NBEAL2: variants seen among roughly 807,000 people sequenced by gnomAD.
NBEAL2 encodes the protein neurobeachin-like protein 2.
Under a neutral mutation model 299.8 loss-of-function variants are expected in NBEAL2, and 160 were observed. The observed-to-expected ratio is 0.53, with a 90% CI of 0.47 to 0.61. The LOEUF (loss-of-function observed/expected upper bound fraction) is 0.61, where lower values mean the gene tolerates loss of function less well. Ranked by LOEUF, NBEAL2 falls within the 20% of genes least tolerant of loss-of-function variation. The pLI, the probability that NBEAL2 is intolerant of heterozygous loss-of-function variation, is 0.00. For missense variants in NBEAL2, 3,112 were observed against 3,649.0 expected, an observed-to-expected ratio of 0.85 and a Z score of 3.79; for synonymous variants, 1,493 against 1,542.3, an observed-to-expected ratio of 0.97 and a Z score of 0.75.
chr3:47,007,373 G>T, intron 47 of NBEAL2, 23 bp downstream of exon 47: 2 of 1,582,176 alleles, frequency 1.3e-6, no homozygotes, highest in East Asian at 2.3e-5. Flanking sequence ...GCTGTGGGTG[G>T]GGTGGGCTAC....
intron 11 of NBEAL2, 79 bp downstream of exon 11, chr3:46,994,099 G>A (rs1278273392): frequency 2.0e-5 from 28 of 1,415,544 alleles, no homozygotes; most frequent in Middle Eastern, 3.5e-4. Context: ...AGGCCTGGCC[G>A]GTGGCCATAA....
Position 47,005,828 on chromosome 3 carries a change from A to G in NBEAL2, c.6782A>G (p.Gln2261Arg). ...PWASSPEDFI[Q>R]QHRQALESEY... is the part of the protein sequence containing the mutation. ...GCCAGCTCTCCTGAGGACTTCATCC[A>G]GCAGCACCGCCAGGCTCTGGTGAGG... Residue 2261 changes from glutamine to arginine, a missense_variant, in exon 42 of 54, where the codon CAG (glutamine) becomes CGG (arginine). Physicochemically the swap from Gln to Arg is conservative, Grantham distance 43. This residue lies in a region of NBEAL2 where 521 missense variants were observed against 729.6 expected (regional missense o/e 0.71). Transcript: ENST00000450053. 6.2e-7 allele frequency: 1 copy of G among 1,613,402 alleles called. No homozygotes were observed. The highest frequency in any genetic ancestry group is 2.2e-5 in the East Asian group (1 of 44,880).
chr3:47,001,859 G>A lies in NBEAL2; in HGVS notation c.4782+33G>A, dbSNP rs984128701. 37 of 1,610,508 alleles carry A rather than the reference G, an allele frequency of 2.3e-5. No individual in the cohort carries two copies. The highest frequency in any genetic ancestry group is 4.4e-5 in the South Asian group (4 of 91,066). ...CAGGGTGAGCATGGGGGCAGGGGGC[G>A]TGTGAGATGTCGGGAGCTCCAAGAG... On this transcript the variant is annotated intron_variant, in intron 30 of 53. Coordinates refer to ENST00000450053, the MANE Select transcript of NBEAL2 (RefSeq NM_015175.3). The surrounding 1 kb of genome is among the most constrained non-coding windows in gnomAD (Gnocchi z 6.1).
Position 47,005,799 on chromosome 3 carries a change from G to A in NBEAL2, c.6753G>A (p.Pro2251=), listed in dbSNP as rs375824892. The A allele has an allele frequency of 2.8e-5, 45 of 1,613,246 alleles. No homozygotes were observed. The highest frequency in any genetic ancestry group is 1.3e-4 in the African/African-American group (10 of 74,912). ...AGGTAGGCGATGTGGTGCTACCCCC[G>A]TGGGCCAGCTCTCCTGAGGACTTCA... ...NEKVGDVVLP[P]WASSPEDFIQ... is the part of the protein sequence containing the mutation. The change falls in exon 42 of 54, where the codon CCG becomes CCA. Residue 2251 remains proline, a synonymous_variant. Coordinates refer to ENST00000450053, the MANE Select transcript of NBEAL2 (RefSeq NM_015175.3).
In NBEAL2 at chr3:46,991,816, G is replaced by A. The variant is rs2036112929; in HGVS notation, c.926-24G>A. ...GGCTGCCTAGAGGGGTCTGGGCAGGGCCTGACCCTTGACCCTTCCACAGAC... is the reference window on the plus strand; with the variant it reads ...GGCTGCCTAGAGGGGTCTGGGCAGGACCTGACCCTTGACCCTTCCACAGAC... On this transcript the variant is annotated intron_variant, in intron 8 of 53. Coordinates refer to ENST00000450053, the MANE Select transcript of NBEAL2 (RefSeq NM_015175.3). This position sits in a 1 kb window ranked among gnomAD's most constrained non-coding sequence, Gnocchi z 6.2. 1 of 1,575,820 alleles carries A rather than the reference G, an allele frequency of 6.3e-7. No homozygotes were observed. The highest frequency in any genetic ancestry group is 8.6e-7 in the Non-Finnish European group (1 of 1,160,568).
chr3:46,997,500 A>G, intron 19 of NBEAL2, 61 bp from the exon 20 acceptor site: 1 of 1,588,966 alleles, frequency 6.3e-7, no homozygotes, highest in Non-Finnish European at 8.6e-7. Context: ...GGAATGCCCA[A>G]GGTCTCCTGG....
In NBEAL2 at chr3:47,000,309, C is replaced by T. The variant is rs762783367; in HGVS notation, c.4210C>T (p.Arg1404Cys). Residue 1404 changes from arginine (R) to cysteine (C), a missense_variant, in exon 27 of 54, where the codon CGC becomes TGC. By Grantham distance (180) the Arg-to-Cys change is radical. This residue lies in a region of NBEAL2 where 2,243 missense variants were observed against 2,538.1 expected (regional missense o/e 0.88). Coordinates refer to ENST00000450053, the MANE Select transcript of NBEAL2 (RefSeq NM_015175.3). This position sits in a 1 kb window ranked among gnomAD's most constrained non-coding sequence, Gnocchi z 4.5. ...GCGGCCCTTTCCTGCTGCTCCTGGCCGCCACAGCTCCAGTCTCTCCAATGT... is the reference window on the plus strand; with the variant it reads ...GCGGCCCTTTCCTGCTGCTCCTGGCTGCCACAGCTCCAGTCTCTCCAATGT... ...GPRPFPAAPG[R>C]HSSSLSNVLE... 9.9e-6 allele frequency: 16 copies of T among 1,611,960 alleles called. No individual in the cohort carries two copies. Among genetic ancestry groups the T allele is most frequent in the South Asian group, 6.6e-5 (6 of 91,064 alleles).
Position 46,995,078 on chromosome 3 carries a change from A to G in NBEAL2, c.1343A>G (p.Asn448Ser), listed in dbSNP as rs201346182. 135 of 1,560,892 alleles carry G rather than the reference A, an allele frequency of 8.6e-5. No homozygotes were observed. Among genetic ancestry groups the G allele is most frequent in the Middle Eastern group, 1.7e-4 (1 of 5,982 alleles). The change falls in exon 13 of 54, where the codon AAC becomes AGC. Residue 448 changes from asparagine to serine, a missense_variant. By Grantham distance (46) the Asn-to-Ser change is conservative. Coordinates refer to ENST00000450053, the MANE Select transcript of NBEAL2 (RefSeq NM_015175.3). ...HSMCPPPPIR[N>S]EQPVLVLAQW... The stretch of plus-strand genomic sequence containing the variant: ...ATGTGCCCACCTCCACCAATCCGCA[A>G]CGAGCAGCCGGTACTGGTGCTGGCG...
intron 1 of NBEAL2, among the ~76,000 whole-genome samples, chr3:46,980,332 G>A (rs1450129132): frequency 6.6e-6 from 1 of 152,186 alleles, no homozygotes; most frequent in East Asian, 1.9e-4. Context: ...CTCTCCCTTG[G>A]GCGCGGCCTG....
intron 20 of NBEAL2, among the ~76,000 whole-genome samples, 176 bp downstream of exon 20, chr3:46,997,870 C>T (rs1037878842): frequency 9.8e-5 from 15 of 152,362 alleles, no homozygotes; most frequent in African/African-American, 3.4e-4. Flanking sequence ...AGGCCCAGCA[C>T]AGGTCGGGGC....
In NBEAL2 at chr3:46,979,690, T is replaced by G; in HGVS notation, c.-172T>G. On this transcript the variant is annotated 5_prime_UTR_variant, in exon 1 of 54. Coordinates refer to ENST00000450053, the MANE Select transcript of NBEAL2 (RefSeq NM_015175.3). ...CAGTGAGGAGGAGGAGCGAGCAGACTTGGGTGGCTCTGCGCCGCGGAGGCC... is the reference window on the plus strand; with the variant it reads ...CAGTGAGGAGGAGGAGCGAGCAGACGTGGGTGGCTCTGCGCCGCGGAGGCC... The G allele has an allele frequency of 3.2e-6, 1 of 314,856 alleles. No homozygotes were observed. The highest frequency in any genetic ancestry group is 5.8e-6 in the Non-Finnish European group (1 of 172,068). The allele number at this position is 314,856 out of a possible 1,614,324, so 19.5% of individuals were successfully genotyped here.
Position 46,999,974 on chromosome 3 carries a change from A to G in NBEAL2, c.3875A>G (p.Tyr1292Cys), listed in dbSNP as rs374288995. 3 of 1,611,926 alleles carry G rather than the reference A, an allele frequency of 1.9e-6. No individual in the cohort carries two copies. The highest frequency in any genetic ancestry group is 1.3e-5 in the African/African-American group (1 of 74,872). Residue 1292 changes from tyrosine to cysteine, a missense_variant, in exon 27 of 54, where the codon TAT becomes TGT. Transcript: ENST00000450053. ...AGWQDVLTRLYVLEAATAGSP... is the reference protein window; with the variant it reads ...AGWQDVLTRLCVLEAATAGSP... The stretch of plus-strand genomic sequence containing the variant: ...TGGCAAGATGTGCTGACCCGGCTAT[A>G]TGTCCTGGAGGCTGCCACAGCCGGC...
chr3:47,005,630 G>A lies in NBEAL2; in HGVS notation c.6691+11G>A. 1.2e-6 allele frequency: 2 copies of A among 1,613,672 alleles called. No homozygotes were observed. Among genetic ancestry groups the A allele is most frequent in the Non-Finnish European group, 1.7e-6 (2 of 1,179,796 alleles). ...TGGAGAACCAGAACGGTAGGTGTGAGGTGCTCACACTGGAGCGGGCAGGTG... is the reference window on the plus strand; with the variant it reads ...TGGAGAACCAGAACGGTAGGTGTGAAGTGCTCACACTGGAGCGGGCAGGTG... On this transcript the variant is annotated intron_variant, in intron 41 of 53. Coordinates refer to ENST00000450053, the MANE Select transcript of NBEAL2 (RefSeq NM_015175.3).
At chr3:46,997,093 G>T (rs773055474) in intron 18 of NBEAL2, 47 bp downstream of exon 18, 1 of 1,577,998 alleles carries the variant, frequency 6.3e-7, no homozygotes, top group Admixed American at 1.7e-5. Flanking sequence ...ATGAATATGG[G>T]GCACATGTGT....
At position 47,001,934 on chromosome 3, in the gene NBEAL2, C is replaced by T; in HGVS notation, c.4797C>T (p.Ala1599=). 6.2e-7 allele frequency: 1 copy of T among 1,604,418 alleles called. No individual in the cohort carries two copies. The highest frequency in any genetic ancestry group is 2.2e-5 in the East Asian group (1 of 44,650). The change falls in exon 31 of 54, where the codon GCC becomes GCT. Residue 1599 remains alanine, a synonymous_variant. Coordinates refer to ENST00000450053, the MANE Select transcript of NBEAL2 (RefSeq NM_015175.3). The surrounding 1 kb of genome is among the most constrained non-coding windows in gnomAD (Gnocchi z 6.1). ...LLEDPQLHAQ[A]YVRLHMLLQT... The stretch of plus-strand genomic sequence containing the variant: ...TGCGCCCACAGCTGCATGCCCAGGC[C>T]TACGTGAGATTGCACATGCTGCTAC...
At position 46,994,459 on chromosome 3, in the gene NBEAL2, T is replaced by G; in HGVS notation, c.1202T>G (p.Val401Gly). The change falls in exon 12 of 54, where the codon GTG (valine) becomes GGG (glycine). Residue 401 changes from valine to glycine, a missense_variant. Val to Gly is a moderately radical substitution (Grantham distance 109). Coordinates refer to ENST00000450053, the MANE Select transcript of NBEAL2 (RefSeq NM_015175.3). ...IMSDSPSAKE[V>G]FKERIGYPHL... ...TCCCCATACTACCTTACACAGGAGGTGTTTAAGGAGCGCATCGGCTACCCT... is the reference window on the plus strand; with the variant it reads ...TCCCCATACTACCTTACACAGGAGGGGTTTAAGGAGCGCATCGGCTACCCT... The G allele has an allele frequency of 6.3e-7, 1 of 1,588,796 alleles. No homozygotes were observed. The highest frequency in any genetic ancestry group is 1.1e-5 in the South Asian group (1 of 87,656).
At position 47,009,468 on chromosome 3, in the gene NBEAL2, G is replaced by T; in HGVS notation, c.*148G>T. ...CCCAGCTCAGGGATTGGCGGGCGAT[G>T]TTACCCCCTCAGGGATTGGCGGGCG... On this transcript the variant is annotated 3_prime_UTR_variant, in exon 54 of 54. Transcript: ENST00000450053. The T allele has an allele frequency of 1.3e-6, 1 of 773,254 alleles. No homozygotes were observed. Among genetic ancestry groups the T allele is most frequent in the South Asian group, 1.6e-5 (1 of 60,930 alleles). The allele number at this position is 773,254 out of a possible 1,614,324, so 47.9% of individuals were successfully genotyped here.
rs370559049 is a variant in NBEAL2, at chr3:46,998,884, G to A, written c.3384+5G>A. On this transcript the variant is annotated splice_donor_5th_base_variant and intron_variant, in intron 23 of 53. Transcript: ENST00000450053. ...GCCACAGGCGATGACGGTCAGGTAG[G>A]CTGGAGGTTGGGGAGCGGGAGGCTT... is the stretch of plus-strand genomic sequence containing the variant. 2.0e-3 allele frequency: 3,243 copies of A among 1,594,400 alleles called. 7 individuals carry two copies. Among genetic ancestry groups the A allele is most frequent in the Non-Finnish European group, 2.5e-3 (2,971 of 1,170,892 alleles).
At chr3:47,007,176 C>T (rs2037509083) in intron 46 of NBEAL2, 21 bp downstream of exon 46, 1 of 1,612,164 alleles carries the variant, frequency 6.2e-7, no homozygotes, top group Non-Finnish European at 8.5e-7. Context: ...TGTGCAGAGC[C>T]CCAGCTCAGC....
Sources: gnomAD v4.1 joint callset for allele counts (sites outside exome capture counted in the v4.1 genomes callset) on GRCh38, gnomAD v4.1.1 for gene constraint, gnomAD v4.1.1 regional missense constraint, Gnocchi (gnomAD v3.1) non-coding constraint, MANE v1.5 for transcripts, NCBI Gene and HGNC (gene_info 2026-07-23, HGNC 2026-07-21) for gene names.